The following CASC3 variants were observed in gnomAD, a reference collection of about 807,000 sequenced individuals.
The protein encoded by CASC3 is CASC3 exon junction complex subunit.
In CASC3, 30 loss-of-function variants were observed where a neutral mutation model predicts 80.5. The ratio of observed to expected loss-of-function variants is 0.37; its 90% CI spans 0.28 to 0.51. CASC3 has a LOEUF of 0.51. Among genes scored for constraint, CASC3 ranks in the 20% least tolerant of loss-of-function variants. CASC3 has a pLI of 0.94. For synonymous variants in CASC3, 312 were observed against 333.6 expected, an observed-to-expected ratio of 0.94 and a Z score of 0.70; for missense variants, 824 against 922.2, an observed-to-expected ratio of 0.89 and a Z score of 1.38.
At position 40,171,990 on chromosome 17, in the gene CASC3, G is replaced by C. The variant is rs141805055; in HGVS notation, c.*1585G>C. The C allele has an allele frequency of 4.7e-6, 6 of 1,289,944 alleles. No homozygotes were observed. In the African/African-American group the frequency reaches 7.6e-5, roughly 16 times the overall value. The allele number at this position is 1,289,944 out of a possible 1,614,324, so 79.9% of individuals were successfully genotyped here. A position where few individuals can be genotyped will look rare whatever the true frequency, so the allele number is the denominator to read the frequency against. ...AACCTGAAGATGTCTCCTCAAGCCTGTGGGCAGCATGCCCAGATTCCCAGA... is the reference window on the plus strand; with the variant it reads ...AACCTGAAGATGTCTCCTCAAGCCTCTGGGCAGCATGCCCAGATTCCCAGA... On this transcript the variant is annotated 3_prime_UTR_variant, in exon 14 of 14. Coordinates refer to ENST00000264645, the MANE Select transcript of CASC3 (RefSeq NM_007359.5).
At chr17:40,167,019 C>T (rs953588532) in intron 8 of CASC3, 158 bp downstream of exon 8, 6 of 571,520 alleles carry the variant, frequency 1.0e-5, no homozygotes, top group East Asian at 3.2e-5. Flanking sequence ...AGTGCAGTGA[C>T]GGGATCACGG....
chr17:40,163,936 T>C lies in CASC3; in HGVS notation c.1241T>C (p.Val414Ala), dbSNP rs774917049. 10 of 1,614,028 alleles carry C rather than the reference T, an allele frequency of 6.2e-6. No individual in the cohort carries two copies. In the East Asian group the frequency reaches 2.2e-4, roughly 36 times the overall value. Reference sequence around the variant, plus strand: ...CGGGCAAGAAGAACTCGAACCAAAGTTGGAGATGCAGTCAAGCTTGCAGAG... The same window carrying C: ...CGGGCAAGAAGAACTCGAACCAAAGCTGGAGATGCAGTCAAGCTTGCAGAG... The part of the protein sequence containing the change: ...YSRARRTRTK[V>A]GDAVKLAEEV... The change falls in exon 7 of 14, where the codon GTT (valine) becomes GCT (alanine). Residue 414 changes from valine to alanine, a missense_variant. This residue lies in a region of CASC3 where 464 missense variants were observed against 506.0 expected (regional missense o/e 0.92). Coordinates refer to ENST00000264645, the MANE Select transcript of CASC3 (RefSeq NM_007359.5).
chr17:40,172,146 A>G lies in CASC3; in HGVS notation c.*1741A>G. 7.8e-7 allele frequency: 1 copy of G among 1,289,840 alleles called. No individual in the cohort carries two copies. The allele number at this position is 1,289,840 out of a possible 1,614,324, so 79.9% of individuals were successfully genotyped here. A position where few individuals can be genotyped will look rare whatever the true frequency, so the allele number is the denominator to read the frequency against. ...TTGTGATCAGCATTGTGACTTGGAG[A>G]TAATAAAATTTAGACTATAAACTTG... On this transcript the variant is annotated 3_prime_UTR_variant, in exon 14 of 14. Coordinates refer to ENST00000264645, the MANE Select transcript of CASC3 (RefSeq NM_007359.5).
intron 3 of CASC3, among the ~76,000 whole-genome samples, chr17:40,151,240 C>G (rs1403097983): frequency 2.0e-5 from 3 of 152,060 alleles, no homozygotes; most frequent in African/African-American, 7.2e-5. Context: ...GAGACAGAGT[C>G]TTGCTCTGTC....
chr17:40,170,175 T>C (rs1327859633), intron 13 of CASC3, among the ~76,000 whole-genome samples: 6 of 152,084 alleles, frequency 3.9e-5, no homozygotes, highest in Non-Finnish European at 7.4e-5. Context: ...GTAGAAACGA[T>C]TGTTAACATG....
intron 3 of CASC3, among the ~76,000 whole-genome samples, chr17:40,157,038 A>C (rs1296938084): frequency 6.6e-6 from 1 of 151,462 alleles, no homozygotes; most frequent in Admixed American, 6.6e-5. Context: ...GTGAGACCCC[A>C]TCTGTTAAAA....
At chr17:40,156,713 A>C (rs1024585871) in intron 3 of CASC3, among the ~76,000 whole-genome samples, 2 of 152,034 alleles carry the variant, frequency 1.3e-5, no homozygotes, top group African/African-American at 4.8e-5. Flanking sequence ...AAAAAAATAA[A>C]ATAGTTGACC....
chr17:40,168,249 C>G lies in CASC3; in HGVS notation c.1797C>G (p.Leu599=), dbSNP rs1989502405. ...QTPAPLPNPG[L]YPPPVSMSPG... is the part of the protein sequence containing the mutation. ...CAGCTCCTCTGCCCAATCCAGGCCT[C>G]TATCCCCCACCAGTGTCCATGTCTC... Residue 599 remains leucine, a synonymous_variant, in exon 11 of 14, where the codon CTC becomes CTG. Transcript: ENST00000264645. 3.1e-6 allele frequency: 5 copies of G among 1,614,062 alleles called. No homozygotes were observed. The Admixed American group carries it at 6.7e-5, about 22-fold the overall frequency.
At position 40,168,067 on chromosome 17, in the gene CASC3, G is replaced by A. The variant is rs993791835; in HGVS notation, c.1750+119G>A. On this transcript the variant is annotated intron_variant, in intron 10 of 13. Coordinates refer to ENST00000264645, the MANE Select transcript of CASC3 (RefSeq NM_007359.5). ...GCCTGGGAGTCTGGCCATCCTGGCTGCTTGGGCAACAAGTTCCTCTTGTGT... is the reference window on the plus strand; with the variant it reads ...GCCTGGGAGTCTGGCCATCCTGGCTACTTGGGCAACAAGTTCCTCTTGTGT... 3 of 1,296,840 alleles carry A rather than the reference G, an allele frequency of 2.3e-6. No homozygotes were observed. The African/African-American group carries it at 4.4e-5, about 19-fold the overall frequency. The allele number at this position is 1,296,840 out of a possible 1,614,324, so 80.3% of individuals were successfully genotyped here. A position where few individuals can be genotyped will look rare whatever the true frequency, so the allele number is the denominator to read the frequency against.
rs746363763 is a variant in CASC3 at position 40,163,925 on chromosome 17, T to G, written c.1230T>G (p.Thr410=). ...EKKSYSRARR[T]RTKVGDAVKL... is the part of the protein sequence containing the mutation. ...AATCCTATTCCCGGGCAAGAAGAAC[T>G]CGAACCAAAGTTGGAGATGCAGTCA... The change falls in exon 7 of 14, where the codon ACT becomes ACG. Residue 410 remains threonine, a synonymous_variant. Coordinates refer to ENST00000264645, the MANE Select transcript of CASC3 (RefSeq NM_007359.5). The G allele has an allele frequency of 6.2e-7, 1 of 1,614,006 alleles. No homozygotes were observed. Among genetic ancestry groups the G allele is most frequent in the East Asian group, 2.2e-5 (1 of 44,878 alleles).
At chr17:40,155,631 C>G (rs1170841820) in intron 3 of CASC3, among the ~76,000 whole-genome samples, 5 of 152,124 alleles carry the variant, frequency 3.3e-5, no homozygotes, top group Non-Finnish European at 1.5e-5. Context: ...GGAGTTAGAT[C>G]TGAAAGAGAC....
At chr17:40,144,345 CT>C (rs760229885) in intron 3 of CASC3, among the ~76,000 whole-genome samples, 454 of 142,326 alleles carry the variant, frequency 3.2e-3, no homozygotes, top group Non-Finnish European at 3.2e-3. Context: ...CTTTCTTTTT[CT>C]TTTTTTTTTT....
At chr17:40,154,512 G>A (rs960393621) in intron 3 of CASC3, among the ~76,000 whole-genome samples, 5 of 152,002 alleles carry the variant, frequency 3.3e-5, no homozygotes, top group African/African-American at 9.7e-5. Flanking sequence ...GGGATTACAG[G>A]TGTGAGCCAC....
rs1408503809 is a variant in CASC3 at position 40,155,533 on chromosome 17, G to T, written c.298-6220G>T. 2.6e-5 allele frequency among the ~76,000 whole-genome samples: 4 copies of T among 152,326 alleles called. No homozygotes were observed. In the East Asian group the frequency reaches 5.8e-4, roughly 22 times the overall value. On this transcript the variant is annotated intron_variant, in intron 3 of 13. Coordinates refer to ENST00000264645, the MANE Select transcript of CASC3 (RefSeq NM_007359.5). ...ATGGAAATGGATGGCTGAAGTGCAG[G>T]TGAAGACTGACCTCAGTGCTAAAGT...
Position 40,163,634 on chromosome 17 carries a change from T to C in CASC3, c.939T>C (p.Tyr313=). The C allele has an allele frequency of 6.2e-7, 1 of 1,614,136 alleles. No individual in the cohort carries two copies. Among genetic ancestry groups the C allele is most frequent in the Non-Finnish European group, 8.5e-7 (1 of 1,180,016 alleles). The change falls in exon 7 of 14, where the codon TAT becomes TAC. Residue 313 remains tyrosine (Y), a synonymous_variant. Coordinates refer to ENST00000264645, the MANE Select transcript of CASC3 (RefSeq NM_007359.5). ...GTGRMSAPRN[Y]SRSGGFKEGR... ...GCCGTATGTCTGCACCCAGGAATTA[T>C]TCTCGATCTGGGGGCTTCAAGGAAG...
Position 40,163,954 on chromosome 17 carries a change from T to C in CASC3, c.1259T>C (p.Leu420Pro). The C allele has an allele frequency of 6.2e-7, 1 of 1,614,084 alleles. No homozygotes were observed. The highest frequency in any genetic ancestry group is 2.2e-5 in the East Asian group (1 of 44,878). ...TRTKVGDAVK[L>P]AEEVPPPPEG... is the part of the protein sequence containing the mutation. ...ACCAAAGTTGGAGATGCAGTCAAGCTTGCAGAGGAGGTGCCCCCTCCTCCT... is the reference window on the plus strand; with the variant it reads ...ACCAAAGTTGGAGATGCAGTCAAGCCTGCAGAGGAGGTGCCCCCTCCTCCT... The change falls in exon 7 of 14, where the codon CTT (leucine) becomes CCT (proline). Residue 420 changes from leucine (L) to proline (P), a missense_variant. By Grantham distance (98) the Leu-to-Pro change is moderately conservative (BLOSUM62 -3). Around this residue, in one of 3 missense-constraint regions of CASC3, gnomAD observed 464 missense variants for 506.0 expected, o/e 0.92. Transcript: ENST00000264645.
chr17:40,156,447 G>T (rs2145167856), intron 3 of CASC3, among the ~76,000 whole-genome samples: 1 of 152,256 alleles, frequency 6.6e-6, no homozygotes, highest in South Asian at 2.1e-4. Flanking sequence ...AGCATTTTGG[G>T]AGGCCGAGAC....
In CASC3 at chr17:40,171,947, G is replaced by T; in HGVS notation, c.*1542G>T. ...TAGCTGGTGGTTGTGCCTTTTGTAGGCTGTTCCCTTTGCCTTAAACCTGAA... is the reference window on the plus strand; with the variant it reads ...TAGCTGGTGGTTGTGCCTTTTGTAGTCTGTTCCCTTTGCCTTAAACCTGAA... On this transcript the variant is annotated 3_prime_UTR_variant, in exon 14 of 14. Transcript: ENST00000264645. 1 of 1,283,686 alleles carries T rather than the reference G, an allele frequency of 7.8e-7. No homozygotes were observed. Among genetic ancestry groups the T allele is most frequent in the Non-Finnish European group, 1.0e-6 (1 of 984,886 alleles). 79.5% of individuals were successfully genotyped at this position (1,283,686 alleles called of 1,614,324 possible).
At position 40,171,837 on chromosome 17, in the gene CASC3, A is replaced by C; in HGVS notation, c.*1432A>C. The C allele has an allele frequency of 4.2e-6, 5 of 1,187,372 alleles. No homozygotes were observed. Among genetic ancestry groups the C allele is most frequent in the Non-Finnish European group, 5.3e-6 (5 of 941,322 alleles). The allele number at this position is 1,187,372 out of a possible 1,614,324, so 73.6% of individuals were successfully genotyped here. A position where few individuals can be genotyped will look rare whatever the true frequency, so the allele number is the denominator to read the frequency against. Reference sequence around the variant, plus strand: ...TCTAGCAGCTGGCCTAATCACTCTGAGTCACAGGTGTGGGATGGAGAGTGG... The same window carrying C: ...TCTAGCAGCTGGCCTAATCACTCTGCGTCACAGGTGTGGGATGGAGAGTGG... On this transcript the variant is annotated 3_prime_UTR_variant, in exon 14 of 14. Transcript: ENST00000264645.
Sources: gnomAD v4.1 joint callset for allele counts (sites outside exome capture counted in the v4.1 genomes callset) on GRCh38, gnomAD v4.1.1 for gene constraint, gnomAD v4.1.1 regional missense constraint, MANE v1.5 for transcripts, NCBI Gene and HGNC (gene_info 2026-07-23, HGNC 2026-07-21) for gene names.